The following TNKS variants were observed in gnomAD, a reference collection of about 807,000 sequenced individuals.
TNKS encodes poly [ADP-ribose] polymerase tankyrase-1.
TNKS carries 72 observed loss-of-function variants against 135.8 expected under a neutral mutation model. The observed-to-expected ratio is 0.53, with a 90% CI of 0.44 to 0.64. The LOEUF (loss-of-function observed/expected upper bound fraction) is 0.64. TNKS is among the 30% of genes least tolerant of loss of function. TNKS has a pLI of 0.00. For synonymous variants in TNKS, 849 were observed against 649.3 expected, an observed-to-expected ratio of 1.31 and a Z score of -4.68; for missense variants, 1,769 against 1,674.0, an observed-to-expected ratio of 1.06 and a Z score of -0.99.
At chr8:9,710,079 C>T (rs755757699) in intron 10 of TNKS, 33 bp downstream of exon 10, 2 of 1,611,592 alleles carry the variant, frequency 1.2e-6, no homozygotes, top group Non-Finnish European at 8.5e-7. Context: ...TTGTTCAGTT[C>T]CTAAAGAGGA....
intron 25 of TNKS, among the ~76,000 whole-genome samples, chr8:9,768,799 T>C (rs76456411): frequency 0.012 from 1,820 of 152,300 alleles, 36 homozygotes; most frequent in African/African-American, 0.041. Context: ...AGCCCTTTTC[T>C]CTGGGACCTG....
At chr8:9,683,290 C>T (rs964200409) in intron 5 of TNKS, among the ~76,000 whole-genome samples, 1 of 151,886 alleles carries the variant, frequency 6.6e-6, no homozygotes, top group African/African-American at 2.4e-5. Context: ...AATCTAGCTG[C>T]TAAAATTACA....
At chr8:9,563,384 A>G (rs898660291) in intron 1 of TNKS, among the ~76,000 whole-genome samples, 2 of 152,042 alleles carry the variant, frequency 1.3e-5, no homozygotes, top group East Asian at 1.9e-4. Flanking sequence ...GATAGTAAAT[A>G]TTTTAGGCTT....
chr8:9,648,502 A>T (rs1476532628), intron 3 of TNKS, among the ~76,000 whole-genome samples: 4 of 152,166 alleles, frequency 2.6e-5, no homozygotes, highest in Non-Finnish European at 4.4e-5. Flanking sequence ...TCCCCTCCCC[A>T]TGCCGTCCCA....
At chr8:9,669,829 G>C (rs1802187490) in intron 3 of TNKS, among the ~76,000 whole-genome samples, 1 of 149,166 alleles carries the variant, frequency 6.7e-6, no homozygotes. Flanking sequence ...TCGCAATTTG[G>C]TCAGGAAGAG....
chr8:9,762,854 G>A (rs995397031), intron 21 of TNKS, among the ~76,000 whole-genome samples: 5 of 150,292 alleles, frequency 3.3e-5, no homozygotes, highest in African/African-American at 7.4e-5. Context: ...GCAGTAAGCC[G>A]AGATCACGTC....
intron 17 of TNKS, among the ~76,000 whole-genome samples, chr8:9,735,875 A>C (rs186863750): frequency 1.3e-5 from 2 of 152,078 alleles, no homozygotes; most frequent in Non-Finnish European, 2.9e-5. Flanking sequence ...AATGCATACT[A>C]TGCATTAAGT....
At chr8:9,764,142 A>G (rs1020115315) in intron 22 of TNKS, among the ~76,000 whole-genome samples, 2 of 152,030 alleles carry the variant, frequency 1.3e-5, no homozygotes, top group Non-Finnish European at 2.9e-5. Flanking sequence ...TATTGAGTTA[A>G]TTCTCTGAGA....
intron 1 of TNKS, among the ~76,000 whole-genome samples, chr8:9,568,488 A>G (rs1487310877): frequency 6.6e-6 from 1 of 152,194 alleles, no homozygotes; most frequent in Non-Finnish European, 1.5e-5. Context: ...AAAAATTTAA[A>G]ATGAATATAA....
intron 3 of TNKS, among the ~76,000 whole-genome samples, chr8:9,634,298 GA>G (rs1056771431): frequency 1.1e-4 from 16 of 151,954 alleles, no homozygotes; most frequent in African/African-American, 3.4e-4. Context: ...GAAGATGGGG[GA>G]AAAACACCTA....
chr8:9,754,002 T>C (rs1473492305), intron 20 of TNKS, among the ~76,000 whole-genome samples: 1 of 152,236 alleles, frequency 6.6e-6, no homozygotes, highest in African/African-American at 2.4e-5. Flanking sequence ...GTGGCCATGC[T>C]ACTCCAGTCT....
At chr8:9,626,648 C>T (rs1186617497) in intron 3 of TNKS, among the ~76,000 whole-genome samples, 1 of 152,152 alleles carries the variant, frequency 6.6e-6, no homozygotes, top group African/African-American at 2.4e-5. Context: ...TAATTTGACG[C>T]ACTCATGCAG....
intron 3 of TNKS, chr8:9,671,163 C>G (rs942991936): frequency 6.6e-6 from 1 of 151,682 alleles, no homozygotes; most frequent in South Asian, 2.1e-4. Flanking sequence ...GAGAATTTTT[C>G]AGATTTCAAA....
At chr8:9,601,523 G>T (rs1214389493) in intron 2 of TNKS, among the ~76,000 whole-genome samples, 1 of 152,206 alleles carries the variant, frequency 6.6e-6, no homozygotes, top group African/African-American at 2.4e-5. Flanking sequence ...TTGGAACTAA[G>T]ATTGAGATAA....
chr8:9,720,483 T>C lies in TNKS; in HGVS notation c.1859T>C (p.Ile620Thr). ...AGTTACGGCTCTGACCCCTCCATCA[T>C]CTCCTTACAAGGCTTCACAGCAGCA... ...LLSYGSDPSI[I>T]SLQGFTAAQM... The change falls in exon 12 of 27, where the codon ATC becomes ACC. Residue 620 changes from isoleucine to threonine, a missense_variant. Around this residue, in one of 5 missense-constraint regions of TNKS, gnomAD observed 523 missense variants for 541.0 expected, o/e 0.97. Coordinates refer to ENST00000310430, the MANE Select transcript of TNKS (RefSeq NM_003747.3). 1 of 1,614,000 alleles carries C rather than the reference T, an allele frequency of 6.2e-7. No homozygotes were observed. The highest frequency in any genetic ancestry group is 8.5e-7 in the Non-Finnish European group (1 of 1,180,012).
intron 21 of TNKS, 82 bp from the exon 22 acceptor site, chr8:9,763,059 ATGAATT>A: frequency 5.4e-6 from 3 of 558,802 alleles, no homozygotes; most frequent in Non-Finnish European, 8.2e-6. Flanking sequence ...ATTACTTATT[ATGAATT>A]TTTTTTTTTT....
intron 1 of TNKS, among the ~76,000 whole-genome samples, chr8:9,571,146 A>G (rs531356520): frequency 1.3e-5 from 2 of 152,296 alleles, no homozygotes; most frequent in South Asian, 2.1e-4. Flanking sequence ...AATTTCTACA[A>G]CAAATTCTAT....
Position 9,695,616 on chromosome 8 carries a change from G to A in TNKS, c.1108-9047G>A, listed in dbSNP as rs139869183. On this transcript the variant is annotated intron_variant, in intron 5 of 26. Transcript: ENST00000310430. ...GTATACCTAACTTAGGTTTTAACAG[G>A]ATTACTCTGCTGTCATGTTGTGTTA... is the stretch of plus-strand genomic sequence containing the variant. Among the ~76,000 whole-genome samples the A allele has an allele frequency of 5.9e-5, 9 of 152,240 alleles. No individual in the cohort carries two copies. The East Asian group carries it at 1.7e-3, about 29-fold the overall frequency.
intron 25 of TNKS, among the ~76,000 whole-genome samples, chr8:9,769,544 C>G (rs1045595601): frequency 6.6e-6 from 1 of 151,684 alleles, no homozygotes; most frequent in Non-Finnish European, 1.5e-5. Context: ...CCCATCCATG[C>G]AAGGGCTCAG....
Sources: gnomAD v4.1 joint callset for allele counts (sites outside exome capture counted in the v4.1 genomes callset) on GRCh38, gnomAD v4.1.1 for gene constraint, gnomAD v4.1.1 regional missense constraint, MANE v1.5 for transcripts, NCBI Gene and HGNC (gene_info 2026-07-23, HGNC 2026-07-21) for gene names.